SETBP1: variants seen among roughly 807,000 people sequenced by gnomAD.
SETBP1 encodes SET binding protein 1, also known as SET-binding protein.
SETBP1 carries 9 observed loss-of-function variants against 101.0 expected under a neutral mutation model. The observed-to-expected ratio is 0.09, with a 90% confidence interval of 0.05 to 0.16. The LOEUF is 0.16. Among genes scored for constraint, SETBP1 ranks in the 10% least tolerant of loss-of-function variants. The probability of loss-of-function intolerance (pLI) is 1.00; values close to 1 mark genes in which losing one functional copy is unlikely to be tolerated. For missense variants in SETBP1, 1,858 were observed against 2,033.8 expected, an observed-to-expected ratio of 0.91 and a Z score of 1.66; for synonymous variants, 818 against 788.5, an observed-to-expected ratio of 1.04 and a Z score of -0.63.
intron 2 of SETBP1, among the ~76,000 whole-genome samples, chr18:44,749,519 A>T (rs950144637): frequency 2.0e-5 from 3 of 152,180 alleles, no homozygotes; most frequent in African/African-American, 7.2e-5. Context: ...CCTGGATTCC[A>T]GGGAAGCAAT....
At position 45,036,004 on chromosome 18, in the gene SETBP1, C is replaced by A. The variant is rs186524708; in HGVS notation, c.4001-2481C>A. On this transcript the variant is annotated intron_variant, in intron 4 of 5. Transcript: ENST00000649279. ...TCTGAAAGGAATGAAAAGTTTAATA[C>A]ATATTTGTGGGTTTTTTAAATATTA... is the stretch of plus-strand genomic sequence containing the variant. Among the ~76,000 whole-genome samples, 4 of 152,278 alleles carry A rather than the reference C, an allele frequency of 2.6e-5. No homozygotes were observed. The East Asian group carries it at 7.7e-4, about 29-fold the overall frequency.
chr18:44,781,458 T>TCC (rs202209118), intron 2 of SETBP1, among the ~76,000 whole-genome samples: 3,048 of 151,714 alleles, frequency 0.02, 61 homozygotes, highest in South Asian at 0.085. Context: ...GCTCTCTCTC[T>TCC]CTCTCTCTCT....
chr18:44,745,531 TATTAC>T (rs2070220288), intron 2 of SETBP1, among the ~76,000 whole-genome samples: 1 of 152,228 alleles, frequency 6.6e-6, no homozygotes, highest in Non-Finnish European at 1.5e-5. Flanking sequence ...TTTCTTGAAA[TATTAC>T]AGTATTTCAA....
At chr18:44,877,686 C>A (rs527307353) in intron 3 of SETBP1, among the ~76,000 whole-genome samples, 5 of 152,186 alleles carry the variant, frequency 3.3e-5, no homozygotes, top group Admixed American at 6.5e-5. Flanking sequence ...GACACTTTTA[C>A]TCTTCTTACA....
chr18:44,700,165 T>C (rs10502839), intron 1 of SETBP1, among the ~76,000 whole-genome samples: 30 of 152,172 alleles, frequency 2.0e-4, no homozygotes, highest in Non-Finnish European at 3.2e-4. Context: ...ATTATGAGTA[T>C]GAAATTGGGA....
chr18:44,847,795 T>C (rs779445977), intron 2 of SETBP1, among the ~76,000 whole-genome samples: 4 of 151,982 alleles, frequency 2.6e-5, no homozygotes, highest in Non-Finnish European at 4.4e-5. Context: ...ATAAGCCGGG[T>C]CCAGAAGATA....
At chr18:44,735,497 G>T (rs2069944843) in intron 2 of SETBP1, among the ~76,000 whole-genome samples, 1 of 151,984 alleles carries the variant, frequency 6.6e-6, no homozygotes, top group Admixed American at 6.6e-5. Flanking sequence ...ATACATTTTA[G>T]CAAATAAAAG....
At chr18:44,759,519 C>G (rs996326641) in intron 2 of SETBP1, among the ~76,000 whole-genome samples, 4 of 152,146 alleles carry the variant, frequency 2.6e-5, no homozygotes, top group African/African-American at 9.7e-5. Context: ...AGTTTCGTTC[C>G]TATTTAAAGT....
At chr18:45,056,509 T>A (rs1367781232) in intron 5 of SETBP1, among the ~76,000 whole-genome samples, 1 of 152,260 alleles carries the variant, frequency 6.6e-6, no homozygotes, top group Non-Finnish European at 1.5e-5. Context: ...ATAAATAATG[T>A]AAATACAAAT....
chr18:45,004,351 A>C (rs573211892), intron 4 of SETBP1, among the ~76,000 whole-genome samples: 1 of 152,324 alleles, frequency 6.6e-6, no homozygotes, highest in East Asian at 1.9e-4. Context: ...TGGCGTGATG[A>C]TTGGCCTCAT....
At chr18:44,800,854 G>A (rs545188450) in intron 2 of SETBP1, among the ~76,000 whole-genome samples, 85 of 152,134 alleles carry the variant, frequency 5.6e-4, no homozygotes, top group African/African-American at 2.0e-3. Flanking sequence ...GGCACTATTC[G>A]CCAATAGCAA....
chr18:44,681,276 C>A (rs1274260262), intron 1 of SETBP1, among the ~76,000 whole-genome samples: 1 of 152,142 alleles, frequency 6.6e-6, no homozygotes, highest in Non-Finnish European at 1.5e-5. Flanking sequence ...GGGAACCCTT[C>A]GGTATCGATT....
intron 2 of SETBP1, among the ~76,000 whole-genome samples, chr18:44,826,408 CCTTT>C (rs560261652): frequency 8.5e-4 from 130 of 152,168 alleles, no homozygotes; most frequent in East Asian, 3.3e-3. Context: ...CCCTTTTTGG[CCTTT>C]CTTTTTTTCT....
rs547115402 is a variant in SETBP1, at chr18:45,063,863, C to T, written c.*165C>T. On this transcript the variant is annotated 3_prime_UTR_variant, in exon 6 of 6. Coordinates refer to ENST00000649279, the MANE Select transcript of SETBP1 (RefSeq NM_015559.3). The stretch of plus-strand genomic sequence containing the variant: ...GACGACGGGGCTGAGCCATCAGGAG[C>T]TCTTGGGAAAGCAAAGCAGGGAGAC... The T allele has an allele frequency of 1.2e-4, 88 of 714,342 alleles. No homozygotes were observed. Among genetic ancestry groups the T allele is most frequent in the Non-Finnish European group, 1.8e-4 (81 of 441,318 alleles). The allele number at this position is 714,342 out of a possible 1,614,324, so 44.3% of individuals were successfully genotyped here.
intron 2 of SETBP1, among the ~76,000 whole-genome samples, chr18:44,766,969 G>T (rs1442507179): frequency 4.6e-5 from 7 of 152,204 alleles, no homozygotes; most frequent in African/African-American, 7.2e-5. Flanking sequence ...GAGATCACTG[G>T]AGGGCAATCT....
At chr18:44,937,454 C>CAAAAAAA (rs34414710) in intron 3 of SETBP1, among the ~76,000 whole-genome samples, 1 of 83,394 alleles carries the variant, frequency 1.2e-5, no homozygotes, top group South Asian at 4.4e-4. Context: ...GACTCCGTCT[C>CAAAAAAA]AAAAAAAAAA....
chr18:44,965,262 CAGAG>C (rs768420410), intron 4 of SETBP1, among the ~76,000 whole-genome samples: 5 of 138,668 alleles, frequency 3.6e-5, no homozygotes, highest in Non-Finnish European at 7.6e-5. Flanking sequence ...ATACAACAGA[CAGAG>C]ACAGACACAT....
intron 2 of SETBP1, among the ~76,000 whole-genome samples, chr18:44,790,990 C>T (rs2071360615): frequency 6.6e-6 from 1 of 152,092 alleles, no homozygotes; most frequent in African/African-American, 2.4e-5. Context: ...CTGCTGTTCC[C>T]AATACTATTG....
At chr18:44,829,820 G>A (rs922335999) in intron 2 of SETBP1, among the ~76,000 whole-genome samples, 1 of 152,168 alleles carries the variant, frequency 6.6e-6, no homozygotes. Flanking sequence ...CCAGATTGTT[G>A]TCAAAGTATA....
Sources: gnomAD v4.1 joint callset for allele counts (sites outside exome capture counted in the v4.1 genomes callset) on GRCh38, gnomAD v4.1.1 for gene constraint, MANE v1.5 for transcripts, NCBI Gene and HGNC (gene_info 2026-07-23, HGNC 2026-07-21) for gene names.